FN1: variants seen among roughly 807,000 people sequenced by gnomAD.
FN1 encodes the protein fibronectin 1.
Under a neutral mutation model 297.3 loss-of-function variants are expected in FN1, and 106 were observed. The ratio of observed to expected loss-of-function variants is 0.36; its 90% CI spans 0.30 to 0.42. FN1 has a LOEUF of 0.42. FN1 is among the 10% of genes least tolerant of loss of function. The probability of loss-of-function intolerance (pLI) is 1.00; values close to 1 mark genes in which losing one functional copy is unlikely to be tolerated. For synonymous variants in FN1, 1,149 were observed against 1,152.6 expected (o/e 1.00, Z 0.06); for missense variants, 2,690 against 3,124.9 (o/e 0.86, Z 3.32).
intron 9 of FN1, 27 bp from the exon 10 acceptor site, chr2:215,422,270 C>T: frequency 6.2e-7 from 1 of 1,610,378 alleles, no homozygotes; most frequent in Non-Finnish European, 8.5e-7. Flanking sequence ...AAGAAATGCA[C>T]TTGATAAATG....
chr2:215,396,385 TAAC>T (rs1355683593), intron 23 of FN1, among the ~76,000 whole-genome samples: 2 of 152,212 alleles, frequency 1.3e-5, no homozygotes, highest in African/African-American at 2.4e-5. Context: ...TGAATATTGT[TAAC>T]AACTATCTTT....
At chr2:215,408,549 G>A in intron 15 of FN1, 123 bp from the exon 16 acceptor site, 1 of 900,396 alleles carries the variant, frequency 1.1e-6, no homozygotes. Context: ...AGAAGGTAAT[G>A]TGCTAATAGC....
intron 23 of FN1, among the ~76,000 whole-genome samples, chr2:215,396,145 A>G (rs929763402): frequency 3.3e-5 from 5 of 152,214 alleles, no homozygotes; most frequent in African/African-American, 1.2e-4. Flanking sequence ...TTTTTTTTAA[A>G]CAAAAATTTC....
chr2:215,362,116 T>A, intron 44 of FN1, 37 bp from the exon 45 acceptor site: 1 of 1,475,254 alleles, frequency 6.8e-7, no homozygotes, highest in Non-Finnish European at 9.5e-7. Flanking sequence ...ATGGGGTTTA[T>A]GATAACCTGA....
At chr2:215,395,222 T>C (rs892819695) in intron 23 of FN1, among the ~76,000 whole-genome samples, 6 of 152,176 alleles carry the variant, frequency 3.9e-5, no homozygotes, top group Non-Finnish European at 7.3e-5. Flanking sequence ...ATGGGATTTA[T>C]AGGAAGAGAA....
At chr2:215,406,122 G>C in intron 19 of FN1, 116 bp downstream of exon 19, 1 of 1,075,308 alleles carries the variant, frequency 9.3e-7, no homozygotes. Flanking sequence ...TGCCGGCTGG[G>C]TATTTCCCTC....
chr2:215,408,539 A>G, intron 15 of FN1, 113 bp from the exon 16 acceptor site: 4 of 1,017,862 alleles, frequency 3.9e-6, no homozygotes, highest in South Asian at 2.7e-5. Flanking sequence ...AAAAGCGACT[A>G]GAAGGTAATG....
At chr2:215,427,637 T>C (rs1274132031) in intron 6 of FN1, among the ~76,000 whole-genome samples, 2 of 152,220 alleles carry the variant, frequency 1.3e-5, no homozygotes, top group African/African-American at 4.8e-5. Context: ...TTATAGAATG[T>C]AACAAAGTTT....
rs771553338 is a variant in FN1, at chr2:215,409,605, C to T, written c.2257G>A (p.Glu753Lys). Residue 753 changes from glutamate (E) to lysine (K), a missense_variant, in exon 15 of 46, where the codon GAA becomes AAA. Around this residue, in one of 3 missense-constraint regions of FN1, gnomAD observed 876 missense variants for 1,058.1 expected, o/e 0.83. Coordinates refer to ENST00000354785, the MANE Select transcript of FN1 (RefSeq NM_212482.4). ...ASDTVSGFRV[E>K]YELSEEGDEP... ...TCTCCCTCCTCACTCAGCTCATATTCCACCCGGAATCCCGACACGGTGTCG... is the reference window on the plus strand; with the variant it reads ...TCTCCCTCCTCACTCAGCTCATATTTCACCCGGAATCCCGACACGGTGTCG... 16 of 1,614,036 alleles carry T rather than the reference C, an allele frequency of 9.9e-6. No homozygotes were observed. The South Asian group carries it at 1.6e-4, about 17-fold the overall frequency.
intron 32 of FN1, chr2:215,381,483 T>G (rs2058203069): frequency 6.7e-6 from 2 of 300,096 alleles, no homozygotes; most frequent in Non-Finnish European, 1.3e-5. Context: ...TTTTGTTTTG[T>G]TTTTTTTTGA....
intron 33 of FN1, 41 bp from the exon 34 acceptor site, chr2:215,379,358 A>G: frequency 6.3e-7 from 1 of 1,574,990 alleles, no homozygotes. Flanking sequence ...CTTATAGGAA[A>G]TGGGGGAAAA....
chr2:215,393,116 A>G lies in FN1; in HGVS notation c.3884T>C (p.Ile1295Thr), dbSNP rs749837678. ...LRWTPLNSSTIIGYRITVVAA... is the reference protein window; with the variant it reads ...LRWTPLNSSTTIGYRITVVAA... ...AACTACTGTGATGCGGTACCCAATA[A>G]TGGTGGAAGAGTTTAGCGGGGTCCA... Residue 1295 changes from isoleucine to threonine, a missense_variant, in exon 25 of 46, where the codon ATT becomes ACT. Ile to Thr is a moderately conservative substitution (Grantham distance 89, BLOSUM62 -1). Around this residue, in one of 3 missense-constraint regions of FN1, gnomAD observed 1,743 missense variants for 1,945.2 expected, o/e 0.90. Coordinates refer to ENST00000354785, the MANE Select transcript of FN1 (RefSeq NM_212482.4). 2 of 1,613,986 alleles carry G rather than the reference A, an allele frequency of 1.2e-6. No homozygotes were observed. The highest frequency in any genetic ancestry group is 2.2e-5 in the East Asian group (1 of 44,868).
At position 215,361,907 on chromosome 2, in the gene FN1, G is replaced by C. The variant is rs114497844; in HGVS notation, c.7362+62C>G. The C allele has an allele frequency of 9.6e-3, 15,041 of 1,560,622 alleles. 121 individuals are homozygous for C. The highest frequency in any genetic ancestry group is 0.01 in the Non-Finnish European group (11,902 of 1,141,948). Reference sequence around the variant, plus strand: ...AAACACTTGGTTCATTCTGAAGAAAGATACCTGTAGAAAGAGACTGTCTAG... The same window carrying C: ...AAACACTTGGTTCATTCTGAAGAAACATACCTGTAGAAAGAGACTGTCTAG... On this transcript the variant is annotated intron_variant, in intron 45 of 45. Transcript: ENST00000354785.
At chr2:215,375,575 T>C in intron 37 of FN1, 54 bp downstream of exon 37, 2 of 1,367,914 alleles carry the variant, frequency 1.5e-6, no homozygotes, top group Non-Finnish European at 2.1e-6. Context: ...TTTGAGTTCA[T>C]GAAACTGATT....
At chr2:215,396,116 G>C (rs560641375) in intron 23 of FN1, among the ~76,000 whole-genome samples, 1 of 152,276 alleles carries the variant, frequency 6.6e-6, no homozygotes, top group African/African-American at 2.4e-5. Flanking sequence ...CCCCGGCAAA[G>C]ATAAGAACTA....
intron 17 of FN1, 81 bp downstream of exon 17, chr2:215,408,027 G>T: frequency 9.8e-7 from 1 of 1,024,322 alleles, no homozygotes; most frequent in Non-Finnish European, 1.5e-6. Flanking sequence ...TGATATGCAG[G>T]TCCGCAGTCA....
chr2:215,408,207 A>G lies in FN1; in HGVS notation c.2429-10T>C. On this transcript the variant is annotated splice_polypyrimidine_tract_variant and intron_variant, in intron 16 of 45. Transcript: ENST00000354785. ...GGAGGGGCATCAGGCGCTAAGAAAG[A>G]AAGAAAGTGGGGCAAACAGTCAGGA... The G allele has an allele frequency of 6.2e-7, 1 of 1,613,896 alleles. No homozygotes were observed. Among genetic ancestry groups the G allele is most frequent in the Non-Finnish European group, 8.5e-7 (1 of 1,179,832 alleles).
At position 215,386,698 on chromosome 2, in the gene FN1, G is replaced by T. The variant is rs201542873; in HGVS notation, c.4603C>A (p.Gln1535Lys). The T allele has an allele frequency of 2.4e-5, 38 of 1,602,292 alleles. No individual in the cohort carries two copies. The highest frequency in any genetic ancestry group is 8.5e-6 in the Non-Finnish European group (10 of 1,175,200). Residue 1535 changes from glutamine (Q) to lysine (K), a missense_variant, in exon 28 of 46, where the codon CAA becomes AAA. Transcript: ENST00000354785. ...AGACAAGAAAAGTTACCTGTTGATT[G>T]TTGGCCAATCAATAAGGGACTTTCC... ...REESPLLIGQ[Q>K]STVSDVPRDL...
intron 25 of FN1, 116 bp from the exon 26 acceptor site, chr2:215,391,930 T>G (rs1004832145): frequency 2.3e-6 from 2 of 857,922 alleles, no homozygotes; most frequent in Non-Finnish European, 3.8e-6. Flanking sequence ...ATCATAATCA[T>G]GCAAACAGTC....
Sources: allele counts gnomAD v4.1 joint callset (sites outside exome capture counted in the v4.1 genomes callset), GRCh38; gene constraint gnomAD v4.1.1; regional missense constraint gnomAD v4.1.1; transcripts MANE v1.5; gene names NCBI Gene and HGNC (gene_info 2026-07-23, HGNC 2026-07-21).